The following FHIT variants were observed in gnomAD, a reference collection of about 807,000 sequenced individuals.
FHIT encodes fragile histidine triad diadenosine triphosphatase.
A neutral mutation model predicts 17.9 loss-of-function variants in FHIT; 19 were observed. The ratio of observed to expected loss-of-function variants is 1.06; its 90% CI spans 0.74 to 1.56. The LOEUF is 1.56. FHIT is among the 40% of genes most tolerant of loss of function. FHIT has a pLI of 0.00. For missense variants in FHIT, 248 were observed against 189.2 expected, an observed-to-expected ratio of 1.31 and a Z score of -1.82; for synonymous variants, 81 against 69.7, an observed-to-expected ratio of 1.16 and a Z score of -0.81.
Position 60,572,563 on chromosome 3 carries a change from C to G in FHIT, c.-17-35584G>C, listed in dbSNP as rs1050083230. Among the ~76,000 whole-genome samples the G allele has an allele frequency of 4.6e-5, 7 of 152,132 alleles. 1 individual carries two copies. The highest frequency in any genetic ancestry group is 7.2e-5 in the African/African-American group (3 of 41,426). On this transcript the variant is annotated intron_variant, in intron 4 of 9. Coordinates refer to ENST00000492590, the MANE Select transcript of FHIT (RefSeq NM_002012.4). ...ATACACACACAGACACACACACACT[C>G]TATCTACAGATCATCCTGGTATCCA...
At chr3:59,969,447 T>C (rs767842183) in intron 7 of FHIT, among the ~76,000 whole-genome samples, 1 of 152,140 alleles carries the variant, frequency 6.6e-6, no homozygotes, top group Non-Finnish European at 1.5e-5. Context: ...TAAATGCTAA[T>C]GTTTCATTAA....
intron 3 of FHIT, among the ~76,000 whole-genome samples, chr3:60,830,369 T>C (rs1264622480): frequency 1.3e-5 from 2 of 152,130 alleles, no homozygotes; most frequent in Admixed American, 6.5e-5. Flanking sequence ...ATGATTTTCA[T>C]TGTAAAGCAG....
chr3:60,025,419 T>G (rs1700704171), intron 5 of FHIT, among the ~76,000 whole-genome samples: 1 of 152,172 alleles, frequency 6.6e-6, no homozygotes, highest in Non-Finnish European at 1.5e-5. Context: ...AGAGAATGAT[T>G]AGAAACAGGC....
chr3:60,835,848 C>T (rs55932127), intron 3 of FHIT, among the ~76,000 whole-genome samples: 11,481 of 152,230 alleles, frequency 0.075, 551 homozygotes, highest in African/African-American at 0.12. Context: ...GAACTAGGCT[C>T]CAGCAATCCA....
intron 5 of FHIT, among the ~76,000 whole-genome samples, chr3:60,030,192 G>C (rs774300227): frequency 6.6e-6 from 1 of 152,044 alleles, no homozygotes; most frequent in Non-Finnish European, 1.5e-5. Context: ...TGACTGAAGG[G>C]AGATTACATA....
rs111241930 is a variant in FHIT at position 60,573,789 on chromosome 3, G to C, written c.-17-36810C>G. Reference sequence around the variant, plus strand: ...TGCTATTGGTGATCATTCATTCTGCGTTCATTTATGTCTTGTGTACTTTTT... The same window carrying C: ...TGCTATTGGTGATCATTCATTCTGCCTTCATTTATGTCTTGTGTACTTTTT... On this transcript the variant is annotated intron_variant, in intron 4 of 9. Coordinates refer to ENST00000492590, the MANE Select transcript of FHIT (RefSeq NM_002012.4). Among the ~76,000 whole-genome samples, 289 of 152,002 alleles carry C rather than the reference G, an allele frequency of 1.9e-3. 4 individuals are homozygous for C. Among genetic ancestry groups the C allele is most frequent in the African/African-American group, 6.3e-3 (262 of 41,434 alleles).
chr3:60,260,873 C>T (rs1479236572), intron 5 of FHIT, among the ~76,000 whole-genome samples: 1 of 152,002 alleles, frequency 6.6e-6, no homozygotes, highest in Admixed American at 6.6e-5. Flanking sequence ...ATGATAATTA[C>T]AATGCATCAG....
At chr3:60,246,954 T>C (rs1373473158) in intron 5 of FHIT, among the ~76,000 whole-genome samples, 3 of 152,120 alleles carry the variant, frequency 2.0e-5, no homozygotes, top group East Asian at 1.9e-4. Flanking sequence ...TTTCAGTGCA[T>C]TGAAACTATT....
At chr3:61,082,053 C>T (rs191209791) in intron 2 of FHIT, among the ~76,000 whole-genome samples, 19 of 151,766 alleles carry the variant, frequency 1.3e-4, no homozygotes, top group Admixed American at 1.2e-3. Flanking sequence ...GGAAGCTCCC[C>T]TCATTTTTGC....
intron 4 of FHIT, among the ~76,000 whole-genome samples, chr3:60,561,962 G>GAGAA (rs1425985497): frequency 1.3e-5 from 2 of 151,964 alleles, no homozygotes; most frequent in Non-Finnish European, 2.9e-5. Context: ...GAGAGAGAGA[G>GAGAA]AGAAAGATAA....
At chr3:60,574,887 G>A (rs781818019) in intron 4 of FHIT, among the ~76,000 whole-genome samples, 3 of 150,548 alleles carry the variant, frequency 2.0e-5, no homozygotes, top group Non-Finnish European at 4.4e-5. Context: ...CACCCCCCAT[G>A]TTTTATCATA....
At chr3:60,555,549 G>C (rs572245460) in intron 4 of FHIT, among the ~76,000 whole-genome samples, 5 of 152,100 alleles carry the variant, frequency 3.3e-5, no homozygotes, top group Non-Finnish European at 7.4e-5. Context: ...AGACAAATTG[G>C]TATTTCTCAG....
chr3:60,548,218 G>A (rs2107618976), intron 4 of FHIT, among the ~76,000 whole-genome samples: 1 of 152,078 alleles, frequency 6.6e-6, no homozygotes, highest in Middle Eastern at 3.4e-3. Flanking sequence ...GGGAATATAA[G>A]ACTTCAGGGC....
intron 5 of FHIT, among the ~76,000 whole-genome samples, chr3:60,067,667 G>T (rs1228904110): frequency 6.6e-6 from 1 of 152,124 alleles, no homozygotes; most frequent in Non-Finnish European, 1.5e-5. Flanking sequence ...CACTTCTACA[G>T]CAACTCATCA....
intron 5 of FHIT, among the ~76,000 whole-genome samples, chr3:60,088,541 C>T (rs1216016618): frequency 1.3e-5 from 2 of 152,130 alleles, no homozygotes; most frequent in Non-Finnish European, 2.9e-5. Context: ...ATTCATGATT[C>T]ATCTTGAGTC....
At chr3:60,297,267 C>T (rs1708254551) in intron 5 of FHIT, among the ~76,000 whole-genome samples, 1 of 152,072 alleles carries the variant, frequency 6.6e-6, no homozygotes. Flanking sequence ...ATCTTCTAAC[C>T]TGTGAGAATA....
intron 5 of FHIT, among the ~76,000 whole-genome samples, chr3:60,076,583 G>C (rs901336552): frequency 2.6e-5 from 4 of 151,756 alleles, no homozygotes; most frequent in African/African-American, 4.8e-5. Flanking sequence ...TGAGATCAGA[G>C]GCATACTGTG....
intron 4 of FHIT, among the ~76,000 whole-genome samples, chr3:60,785,355 TGTG>T (rs1173173284): frequency 8.5e-5 from 13 of 152,098 alleles, no homozygotes; most frequent in Non-Finnish European, 1.5e-4. Flanking sequence ...AGTGGTCTGT[TGTG>T]GTGATAGAAT....
At chr3:60,952,176 C>A (rs1174974639) in intron 3 of FHIT, among the ~76,000 whole-genome samples, 5 of 138,456 alleles carry the variant, frequency 3.6e-5, no homozygotes, top group South Asian at 2.2e-4. Context: ...CCCACCCCCC[C>A]CCCAAAAAAA....
Sources: allele counts gnomAD v4.1 joint callset (sites outside exome capture counted in the v4.1 genomes callset), GRCh38; gene constraint gnomAD v4.1.1; transcripts MANE v1.5; gene names NCBI Gene and HGNC (gene_info 2026-07-23, HGNC 2026-07-21).